Variants in KCND2 observed in about 807,000 individuals in gnomAD.
KCND2 encodes the protein A-type voltage-gated potassium channel KCND2.
Under a neutral mutation model 54.4 loss-of-function variants are expected in KCND2, and 16 were observed. The ratio of observed to expected loss-of-function variants is 0.29; its 90% CI spans 0.20 to 0.45. The LOEUF is 0.45. Among genes scored for constraint, KCND2 ranks in the 20% least tolerant of loss-of-function variants. The pLI is 1.00. For synonymous variants in KCND2, 317 were observed against 310.7 expected (o/e 1.02, Z -0.21); for missense variants, 486 against 824.2 (o/e 0.59, Z 5.02).
intron 1 of KCND2, among the ~76,000 whole-genome samples, chr7:120,325,506 A>G (rs1357272228): frequency 6.6e-6 from 1 of 151,424 alleles, no homozygotes; most frequent in African/African-American, 2.4e-5. Context: ...AGTTTTTAGC[A>G]TGAAGAGTTG....
At chr7:120,414,248 A>G (rs1178083772) in intron 1 of KCND2, among the ~76,000 whole-genome samples, 4 of 152,098 alleles carry the variant, frequency 2.6e-5, no homozygotes, top group Admixed American at 2.0e-4. Context: ...CAGAAAATTT[A>G]TGATACTCTA....
intron 1 of KCND2, among the ~76,000 whole-genome samples, chr7:120,626,625 G>T (rs1411195558): frequency 6.6e-6 from 1 of 152,048 alleles, no homozygotes; most frequent in African/African-American, 2.4e-5. Context: ...ATCTCTTCTG[G>T]AATATTGGAA....
intron 1 of KCND2, among the ~76,000 whole-genome samples, chr7:120,662,223 C>T (rs550034436): frequency 1.3e-5 from 2 of 152,246 alleles, no homozygotes; most frequent in East Asian, 3.9e-4. Flanking sequence ...TCCTTGTCTA[C>T]ACAATGTTTG....
chr7:120,604,425 G>A (rs1792853352), intron 1 of KCND2, among the ~76,000 whole-genome samples: 1 of 151,014 alleles, frequency 6.6e-6, no homozygotes, highest in Admixed American at 6.6e-5. Context: ...TTCAACCCGG[G>A]GCGGGCAGTG....
At chr7:120,688,222 A>AT (rs1792228300) in intron 1 of KCND2, among the ~76,000 whole-genome samples, 2 of 152,334 alleles carry the variant, frequency 1.3e-5, no homozygotes, top group South Asian at 4.1e-4. Context: ...AAGGGTCTAC[A>AT]AACTTTTTCT....
intron 1 of KCND2, among the ~76,000 whole-genome samples, chr7:120,454,633 A>G (rs1163916409): frequency 6.6e-6 from 1 of 152,042 alleles, no homozygotes; most frequent in Non-Finnish European, 1.5e-5. Flanking sequence ...TATAAAGAAG[A>G]GCTTGTACCA....
chr7:120,285,679 A>G (rs963414470), intron 1 of KCND2, among the ~76,000 whole-genome samples: 3 of 151,958 alleles, frequency 2.0e-5, no homozygotes, highest in Admixed American at 1.3e-4. Flanking sequence ...TGAAAAACAT[A>G]ATTAACTTAG....
chr7:120,386,738 C>A (rs1800994081), intron 1 of KCND2, among the ~76,000 whole-genome samples: 1 of 152,102 alleles, frequency 6.6e-6, no homozygotes, highest in African/African-American at 2.4e-5. Flanking sequence ...TGAAACATTT[C>A]ATCACTCTTA....
chr7:120,466,393 G>A (rs1802369786), intron 1 of KCND2, among the ~76,000 whole-genome samples: 1 of 152,132 alleles, frequency 6.6e-6, no homozygotes, highest in Non-Finnish European at 1.5e-5. Flanking sequence ...TAGGTTGGCA[G>A]CCAGTGATAG....
At chr7:120,500,397 C>A (rs935563229) in intron 1 of KCND2, among the ~76,000 whole-genome samples, 2 of 152,080 alleles carry the variant, frequency 1.3e-5, no homozygotes, top group South Asian at 2.1e-4. Context: ...CTATTCTTTT[C>A]TTTTCTTATG....
intron 1 of KCND2, among the ~76,000 whole-genome samples, chr7:120,589,079 C>G (rs1792638104): frequency 6.6e-6 from 1 of 152,052 alleles, no homozygotes; most frequent in African/African-American, 2.4e-5. Context: ...ATTATGTAAC[C>G]CTAAATTTGG....
At chr7:120,682,325 A>T (rs1364673211) in intron 1 of KCND2, among the ~76,000 whole-genome samples, 1 of 152,104 alleles carries the variant, frequency 6.6e-6, no homozygotes, top group Non-Finnish European at 1.5e-5. Context: ...TTATCGAGAT[A>T]TTTAAAATAA....
At chr7:120,305,094 A>G (rs1799633826) in intron 1 of KCND2, among the ~76,000 whole-genome samples, 1 of 152,166 alleles carries the variant, frequency 6.6e-6, no homozygotes, top group South Asian at 2.1e-4. Flanking sequence ...TTATTATTAA[A>G]GGAAGAATTG....
At chr7:120,578,934 A>G (rs1174547922) in intron 1 of KCND2, among the ~76,000 whole-genome samples, 1 of 152,018 alleles carries the variant, frequency 6.6e-6, no homozygotes, top group Non-Finnish European at 1.5e-5. Flanking sequence ...ACACACACAC[A>G]CACACACGCA....
intron 1 of KCND2, among the ~76,000 whole-genome samples, chr7:120,539,684 TATAG>T (rs757570460): frequency 7.9e-5 from 12 of 152,308 alleles, no homozygotes; most frequent in East Asian, 1.9e-4. Context: ...TTCATACACA[TATAG>T]ATAGTGAAAT....
chr7:120,622,699 T>A (rs1185860143), intron 1 of KCND2, among the ~76,000 whole-genome samples: 61 of 142,094 alleles, frequency 4.3e-4, no homozygotes, highest in African/African-American at 1.6e-3. Context: ...ACTCTCTCTC[T>A]CTCTCTCTCT....
chr7:120,295,347 AACACACACACACACACACACAC>A (rs56748699), intron 1 of KCND2, among the ~76,000 whole-genome samples: 3 of 141,400 alleles, frequency 2.1e-5, no homozygotes, highest in African/African-American at 5.2e-5. Flanking sequence ...GTCATAGAGT[AACACACACACACACACACACAC>A]ACACACACAC....
chr7:120,450,377 C>T (rs1481159436), intron 1 of KCND2, among the ~76,000 whole-genome samples: 1 of 152,068 alleles, frequency 6.6e-6, no homozygotes, highest in African/African-American at 2.4e-5. Flanking sequence ...TCACTGCACT[C>T]TAGCCTGGTG....
intron 1 of KCND2, among the ~76,000 whole-genome samples, chr7:120,428,966 T>G (rs1009617019): frequency 1.1e-4 from 16 of 152,158 alleles, no homozygotes; most frequent in Admixed American, 1.0e-3. Flanking sequence ...AAATAAGGAA[T>G]TGAGATGTTG....
Sources: gnomAD v4.1 joint callset for allele counts (sites outside exome capture counted in the v4.1 genomes callset) on GRCh38, gnomAD v4.1.1 for gene constraint, MANE v1.5 for transcripts, NCBI Gene and HGNC (gene_info 2026-07-23, HGNC 2026-07-21) for gene names.